PIK3R3: variants seen among roughly 807,000 people sequenced by gnomAD.
PIK3R3 encodes phosphoinositide-3-kinase regulatory subunit 3, also known as phosphatidylinositol 3-kinase regulatory subunit gamma.
PIK3R3 carries 64 observed loss-of-function variants against 62.9 expected under a neutral mutation model. That is an observed-to-expected ratio of 1.02 (90% CI 0.83 to 1.25). The LOEUF is 1.25. Ranked by LOEUF, PIK3R3 falls within the 50% of genes most tolerant of loss-of-function variation. The pLI is 0.00. For missense variants in PIK3R3, 614 were observed against 561.6 expected, an observed-to-expected ratio of 1.09 and a Z score of -0.94; for synonymous variants, 165 against 189.0, an observed-to-expected ratio of 0.87 and a Z score of 1.04.
At position 46,132,504 on chromosome 1, in the gene PIK3R3, A is replaced by G; in HGVS notation, c.-552T>C. On this transcript the variant is annotated 5_prime_UTR_variant, in exon 1 of 10. Coordinates refer to ENST00000262741, the MANE Select transcript of PIK3R3 (RefSeq NM_003629.4). ...GGGCTCCTCTCCGGTCGGTCTCGGA[A>G]CCGAAGCTGCCGCAGCCTCGGGAAT... The G allele has an allele frequency of 8.1e-7, 1 of 1,228,200 alleles. No individual in the cohort carries two copies. Among genetic ancestry groups the G allele is most frequent in the South Asian group, 1.4e-5 (1 of 70,834 alleles). 76.1% of individuals were successfully genotyped at this position (1,228,200 alleles called of 1,614,324 possible).
intron 3 of PIK3R3, among the ~76,000 whole-genome samples, chr1:46,068,033 T>C (rs1427860382): frequency 1.3e-5 from 2 of 152,232 alleles, no homozygotes; most frequent in Non-Finnish European, 2.9e-5. Flanking sequence ...CTTTATGCCA[T>C]GCCATTTTAT....
intron 7 of PIK3R3, among the ~76,000 whole-genome samples, chr1:46,051,259 C>A (rs1041555178): frequency 1.3e-5 from 2 of 151,368 alleles, no homozygotes; most frequent in African/African-American, 4.9e-5. Flanking sequence ...CTCCACAGAA[C>A]TTTTTTTTCT....
intron 7 of PIK3R3, 27 bp from the exon 8 acceptor site, chr1:46,046,652 GTA>G: frequency 6.5e-7 from 1 of 1,530,822 alleles, no homozygotes; most frequent in Non-Finnish European, 9.1e-7. Flanking sequence ...ACCAGTGTCA[GTA>G]TCCATGCAAA....
chr1:46,076,655 T>G (rs1650093896), intron 3 of PIK3R3, among the ~76,000 whole-genome samples: 1 of 152,194 alleles, frequency 6.6e-6, no homozygotes, highest in Non-Finnish European at 1.5e-5. Context: ...CTAAAGATAT[T>G]AGGCTGGAAA....
rs1433704653 is a variant in PIK3R3, at chr1:46,040,601, C to T, written c.*3072G>A. On this transcript the variant is annotated 3_prime_UTR_variant, in exon 10 of 10. Transcript: ENST00000262741. ...CCTCTGGTTTCTGAGGCCACTGAAG[C>T]CTCACAGAGGCCTACTCTGGGTTGT... is the stretch of plus-strand genomic sequence containing the variant. 8.9e-6 allele frequency: 2 copies of T among 223,512 alleles called. No homozygotes were observed. Among genetic ancestry groups the T allele is most frequent in the East Asian group, 1.3e-4 (2 of 15,528 alleles). 13.8% of individuals were successfully genotyped at this position (223,512 alleles called of 1,614,324 possible). A position where few individuals can be genotyped will look rare whatever the true frequency, so the allele number is the denominator to read the frequency against.
intron 8 of PIK3R3, 66 bp downstream of exon 8, chr1:46,046,485 T>G (rs921358190): frequency 9.7e-7 from 1 of 1,034,428 alleles, no homozygotes; most frequent in African/African-American, 1.6e-5. Flanking sequence ...TTACCACGTA[T>G]AAACAAGGCG....
the PIK3R3 span, among the ~76,000 whole-genome samples, chr1:46,149,174 G>C: frequency 1.2e-4 from 19 of 152,212 alleles, no homozygotes; most frequent in African/African-American, 4.6e-4. Flanking sequence ...TGTAATCCCA[G>C]CACTTTGGGA....
intron 1 of PIK3R3, among the ~76,000 whole-genome samples, chr1:46,116,261 A>G (rs11211257): frequency 0.12 from 17,857 of 152,160 alleles, 1,376 homozygotes; most frequent in East Asian, 0.32. Context: ...CTATAATCCC[A>G]CTGCTTTGGG....
chr1:46,049,300 G>C (rs1647195756), intron 7 of PIK3R3, among the ~76,000 whole-genome samples: 1 of 152,102 alleles, frequency 6.6e-6, no homozygotes, highest in Non-Finnish European at 1.5e-5. Context: ...GATCTAATTG[G>C]TTTTACAGCC....
At chr1:46,072,767 T>C (rs527896795) in intron 3 of PIK3R3, among the ~76,000 whole-genome samples, 304 of 151,942 alleles carry the variant, frequency 2.0e-3, no homozygotes, top group Non-Finnish European at 3.4e-3. Context: ...CTGGGCAACA[T>C]AGTGAGACCT....
chr1:46,170,828 C>T, the PIK3R3 span, among the ~76,000 whole-genome samples: 13 of 152,204 alleles, frequency 8.5e-5, no homozygotes, highest in Admixed American at 2.0e-4. Context: ...TAGACAGCCA[C>T]CTGAATGTAA....
chr1:46,152,682 C>A, the PIK3R3 span, among the ~76,000 whole-genome samples: 1 of 151,800 alleles, frequency 6.6e-6, no homozygotes, highest in Non-Finnish European at 1.5e-5. Context: ...CCTGCCTCAG[C>A]CTCCCGAGTA....
At chr1:46,048,354 G>A (rs887756917) in intron 7 of PIK3R3, 1 of 152,166 alleles carries the variant, frequency 6.6e-6, no homozygotes, top group African/African-American at 2.4e-5. Flanking sequence ...GTCTTTCTCA[G>A]TAAGAATTGC....
chr1:46,094,570 A>G (rs936732610), intron 1 of PIK3R3, among the ~76,000 whole-genome samples: 1 of 152,214 alleles, frequency 6.6e-6, no homozygotes, highest in Non-Finnish European at 1.5e-5. Context: ...ATTAAACAAA[A>G]TTTCCCCCCA....
At chr1:46,142,614 T>C in the PIK3R3 span, among the ~76,000 whole-genome samples, 118 of 151,052 alleles carry the variant, frequency 7.8e-4, no homozygotes, top group South Asian at 3.1e-3. Flanking sequence ...AGGAGAATGG[T>C]GTGAACCCGG....
Position 46,041,689 on chromosome 1 carries a change from T to G in PIK3R3, c.*1984A>C, listed in dbSNP as rs1311834079. 1.0e-5 allele frequency: 2 copies of G among 191,918 alleles called. No individual in the cohort carries two copies. The highest frequency in any genetic ancestry group is 4.7e-5 in the African/African-American group (2 of 42,984). 11.9% of individuals were successfully genotyped at this position (191,918 alleles called of 1,614,324 possible). On this transcript the variant is annotated 3_prime_UTR_variant, in exon 10 of 10. Transcript: ENST00000262741. ...GTGCCCAACAGCAATTAGCTTGGTA[T>G]TATTCAGTAAAACTTTCAGTTAAGA...
chr1:46,151,824 TA>T, the PIK3R3 span, among the ~76,000 whole-genome samples: 1 of 152,222 alleles, frequency 6.6e-6, no homozygotes, highest in East Asian at 1.9e-4. Flanking sequence ...TCATGTATAG[TA>T]GTCATTGGAG....
At chr1:46,156,638 C>G in the PIK3R3 span, among the ~76,000 whole-genome samples, 1 of 152,100 alleles carries the variant, frequency 6.6e-6, no homozygotes, top group Non-Finnish European at 1.5e-5. Flanking sequence ...ACAACTGCCC[C>G]TGGACTGAAT....
At position 46,080,691 on chromosome 1, in the gene PIK3R3, T is replaced by C; in HGVS notation, c.166A>G (p.Ser56Gly). ...TCTGCATCCTGAAGAGAAACAGAAC[T>C]GTCCTTCATTCCATTTGGAACTGCT... is the stretch of plus-strand genomic sequence containing the variant. ...TSAVPNGMKD[S>G]SVSLQDAEWY... The change falls in exon 2 of 10, where the codon AGT (serine) becomes GGT (glycine). Residue 56 changes from serine to glycine, a missense_variant. By Grantham distance (56) the Ser-to-Gly change is moderately conservative. Coordinates refer to ENST00000262741, the MANE Select transcript of PIK3R3 (RefSeq NM_003629.4). 6.2e-7 allele frequency: 1 copy of C among 1,613,974 alleles called. No individual in the cohort carries two copies.
Sources: gnomAD v4.1 joint callset for allele counts (sites outside exome capture counted in the v4.1 genomes callset) on GRCh38, gnomAD v4.1.1 for gene constraint, MANE v1.5 for transcripts, NCBI Gene and HGNC (gene_info 2026-07-23, HGNC 2026-07-21) for gene names.